YJU2B: variants seen among roughly 807,000 people sequenced by gnomAD.
YJU2B encodes probable splicing factor YJU2B.
In YJU2B, 18 loss-of-function variants were observed where a neutral mutation model predicts 38.0. The ratio of observed to expected loss-of-function variants is 0.47; its 90% CI spans 0.33 to 0.70. The LOEUF (loss-of-function observed/expected upper bound fraction) is 0.70, where lower values mean the gene tolerates loss of function less well. Ranked by LOEUF, YJU2B falls within the 30% of genes least tolerant of loss-of-function variation. YJU2B has a pLI of 0.02. For missense variants in YJU2B, 538 were observed against 556.3 expected (o/e 0.97, Z 0.33); for synonymous variants, 246 against 225.4 (o/e 1.09, Z -0.82).
chr19:13,747,955 G>A lies in YJU2B; in HGVS notation c.-202+1G>A, dbSNP rs537737623. On this transcript the variant is annotated splice_donor_variant, in intron 1 of 9. Transcript: ENST00000221554. LOFTEE classifies it low-confidence loss of function (5UTR_SPLICE). Reference sequence around the variant, plus strand: ...GGGCGTGACGTCGGGAGGAGGGCAGGTAAGTGCCGGCGGGCGGAGGAGCGG... The same window carrying A: ...GGGCGTGACGTCGGGAGGAGGGCAGATAAGTGCCGGCGGGCGGAGGAGCGG... The A allele has an allele frequency of 6.6e-6, 1 of 152,388 alleles. No individual in the cohort carries two copies. Among genetic ancestry groups the A allele is most frequent in the Admixed American group, 6.5e-5 (1 of 15,302 alleles). The allele number at this position is 152,388 out of a possible 1,614,324, so 9.4% of individuals were successfully genotyped here.
Position 13,763,008 on chromosome 19 carries a change from G to T in YJU2B, c.1131G>T (p.Arg377=). Residue 377 remains arginine, a synonymous_variant, in exon 10 of 10, where the codon CGG becomes CGT. Transcript: ENST00000221554. ...SQEAADTPDT[R]HPCSLGSSLV... ...AGGCAGCTGACACCCCCGACACGCGGCACCCCTGCAGTCTCGGCTCCTCCC... is the reference window on the plus strand; with the variant it reads ...AGGCAGCTGACACCCCCGACACGCGTCACCCCTGCAGTCTCGGCTCCTCCC... The T allele has an allele frequency of 6.2e-7, 1 of 1,602,058 alleles. No homozygotes were observed.
At chr19:13,762,498 G>A (rs1973931608) in intron 9 of YJU2B, 61 bp downstream of exon 9, 1 of 1,587,980 alleles carries the variant, frequency 6.3e-7, no homozygotes. Flanking sequence ...GGAGATGGGG[G>A]GTCCTCAGCC....
At chr19:13,746,054 C>T (rs1973240616), upstream of YJU2B, among the ~76,000 whole-genome samples, 2 of 152,012 alleles carry the variant, frequency 1.3e-5, no homozygotes, top group South Asian at 4.2e-4. Flanking sequence ...GAGTTTGAGA[C>T]CAGCCTGGCC....
intron 4 of YJU2B, among the ~76,000 whole-genome samples, chr19:13,757,065 C>A (rs1456575524): frequency 6.6e-6 from 1 of 151,756 alleles, no homozygotes; most frequent in Non-Finnish European, 1.5e-5. Context: ...TGCTTGAACC[C>A]AGGAGGCAGA....
At chr19:13,754,522 A>G (rs1973591250) in intron 3 of YJU2B, among the ~76,000 whole-genome samples, 180 bp downstream of exon 3, 1 of 152,000 alleles carries the variant, frequency 6.6e-6, no homozygotes, top group South Asian at 2.1e-4. Flanking sequence ...CTCCTCAGGG[A>G]CCTGTAACTC....
In YJU2B at chr19:13,751,783, C is replaced by T; in HGVS notation, c.-26C>T. 7 of 1,613,918 alleles carry T rather than the reference C, an allele frequency of 4.3e-6. No homozygotes were observed. Among genetic ancestry groups the T allele is most frequent in the Non-Finnish European group, 5.9e-6 (7 of 1,179,818 alleles). Reference sequence around the variant, plus strand: ...CAGTTTCTGATCGTCCGCCCCGAGGCTGAGGACCAGTAGGCAGCTCCCAAG... The same window carrying T: ...CAGTTTCTGATCGTCCGCCCCGAGGTTGAGGACCAGTAGGCAGCTCCCAAG... On this transcript the variant is annotated 5_prime_UTR_variant, in exon 2 of 10. Transcript: ENST00000221554.
intron 2 of YJU2B, 57 bp from the exon 3 acceptor site, chr19:13,754,232 G>A: frequency 7.0e-7 from 1 of 1,425,988 alleles, no homozygotes; most frequent in Middle Eastern, 1.8e-4. Context: ...TTTGGGTAGG[G>A]ACACAGCCAA....
intron 2 of YJU2B, among the ~76,000 whole-genome samples, chr19:13,738,278 G>A (rs772757500): frequency 6.6e-6 from 1 of 152,194 alleles, no homozygotes; most frequent in African/African-American, 2.4e-5. Flanking sequence ...GAAAAGTCAG[G>A]TGGAATGACA....
At chr19:13,755,761 G>C (rs2145149044) in intron 3 of YJU2B, among the ~76,000 whole-genome samples, 1 of 152,164 alleles carries the variant, frequency 6.6e-6, no homozygotes, top group East Asian at 1.9e-4. Flanking sequence ...TTGGAGACCA[G>C]CCTGGGTGAC....
intron 2 of YJU2B, among the ~76,000 whole-genome samples, chr19:13,742,413 C>T (rs1973120078): frequency 6.6e-6 from 1 of 151,624 alleles, no homozygotes; most frequent in Non-Finnish European, 1.5e-5. Flanking sequence ...AGCGATTCTC[C>T]TGCCTCAGCC....
intron 2 of YJU2B, among the ~76,000 whole-genome samples, chr19:13,742,291 CCACT>C (rs1973113927): frequency 1.4e-5 from 2 of 144,564 alleles, no homozygotes; most frequent in Non-Finnish European, 3.0e-5. Flanking sequence ...TCTTTGAGTC[CCACT>C]TTTTTTTTTT....
chr19:13,745,229 T>C (rs1252351698), upstream of YJU2B, among the ~76,000 whole-genome samples: 1 of 152,144 alleles, frequency 6.6e-6, no homozygotes, highest in East Asian at 1.9e-4. Flanking sequence ...AGATTATGCA[T>C]GTGTGAGTGA....
intron 1 of YJU2B, among the ~76,000 whole-genome samples, chr19:13,751,188 C>T (rs995568339): frequency 2.0e-5 from 3 of 151,982 alleles, no homozygotes; most frequent in Admixed American, 6.6e-5. Context: ...GAGGTTGGGG[C>T]GGGTGGATCA....
chr19:13,751,540 G>A (rs1973463994), intron 1 of YJU2B, 68 bp from the exon 2 acceptor site: 1 of 488,446 alleles, frequency 2.0e-6, no homozygotes, highest in African/African-American at 2.0e-5. Context: ...GGCCACAGAG[G>A]GATGAAAGTG....
chr19:13,762,370 C>T lies in YJU2B; in HGVS notation c.645C>T (p.Ile215=). The T allele has an allele frequency of 6.2e-7, 1 of 1,613,960 alleles. No homozygotes were observed. The highest frequency in any genetic ancestry group is 1.7e-5 in the Admixed American group (1 of 59,986). The change falls in exon 9 of 10, where the codon ATC becomes ATT. Residue 215 remains isoleucine, a synonymous_variant. Transcript: ENST00000221554. ...TGCAGGCCAAGGCGAGCCTGACCAT[C>T]CCGCTGGTGCCCGAGACGGAAGATG... ...QALQAKASLT[I]PLVPETEDDR...
chr19:13,750,372 A>G (rs1226212274), intron 1 of YJU2B, among the ~76,000 whole-genome samples: 1 of 152,090 alleles, frequency 6.6e-6, no homozygotes, highest in Non-Finnish European at 1.5e-5. Context: ...GATTACAGGC[A>G]TGCACCATCA....
chr19:13,762,525 C>T, intron 9 of YJU2B, 65 bp from the exon 10 acceptor site: 2 of 1,559,074 alleles, frequency 1.3e-6, no homozygotes, highest in Non-Finnish European at 1.7e-6. Flanking sequence ...GGACTCTGGT[C>T]TACCAGAGGG....
Position 13,739,787 on chromosome 19 carries a change from T to A in YJU2B, c.-202+7502T>A, listed in dbSNP as rs559271130. On this transcript the variant is annotated intron_variant, in intron 2 of 10. Coordinates refer to the YJU2B transcript ENST00000586600. ...GATACATGTGCAGAACGTGCAGGTT[T>A]GTTACACAGCTATATATGTGCTGTG... 3.3e-5 allele frequency among the ~76,000 whole-genome samples: 5 copies of A among 152,242 alleles called. No individual in the cohort carries two copies. In the East Asian group the frequency reaches 9.6e-4, roughly 29 times the overall value.
chr19:13,741,546 G>A (rs1973095570), intron 2 of YJU2B, among the ~76,000 whole-genome samples: 1 of 150,216 alleles, frequency 6.7e-6, no homozygotes, highest in Admixed American at 6.7e-5. Context: ...GAGTAGCCTG[G>A]GCAACACAGG....
Sources: allele counts gnomAD v4.1 joint callset (sites outside exome capture counted in the v4.1 genomes callset), GRCh38; gene constraint gnomAD v4.1.1; transcripts MANE v1.5; gene names NCBI Gene and HGNC (gene_info 2026-07-23, HGNC 2026-07-21).